Variants in LDB2 observed in about 807,000 individuals in gnomAD.
LDB2 encodes the protein LIM domain binding 2.
A neutral mutation model predicts 44.3 loss-of-function variants in LDB2; 12 were observed. The ratio of observed to expected loss-of-function variants is 0.27; its 90% CI spans 0.17 to 0.44. The LOEUF is 0.44. Ranked by LOEUF, LDB2 falls within the 20% of genes least tolerant of loss-of-function variation. The probability of loss-of-function intolerance (pLI) is 1.00; values close to 1 mark genes in which losing one functional copy is unlikely to be tolerated. For missense variants in LDB2, 344 were observed against 473.5 expected (o/e 0.73, Z 2.54); for synonymous variants, 164 against 174.8 (o/e 0.94, Z 0.49).
chr4:16,573,470 C>T (rs1229347079), intron 5 of LDB2, among the ~76,000 whole-genome samples: 1 of 152,198 alleles, frequency 6.6e-6, no homozygotes, highest in Non-Finnish European at 1.5e-5. Flanking sequence ...ACTGGTCATG[C>T]ACTATCAGTC....
rs530343743 is a variant in LDB2 at position 16,749,338 on chromosome 4, C to G, written c.235+9820G>C. Among the ~76,000 whole-genome samples, 4 of 151,162 alleles carry G rather than the reference C, an allele frequency of 2.6e-5. No individual in the cohort carries two copies. In the South Asian group the frequency reaches 8.5e-4, roughly 32 times the overall value. On this transcript the variant is annotated intron_variant, in intron 2 of 7. Coordinates refer to ENST00000304523, the MANE Select transcript of LDB2 (RefSeq NM_001290.5). ...ACTTTGGGAGGCCGAGGTGGGTGGA[C>G]CACAAGGTCAGGAGTTCGAGACCAG...
In LDB2 at chr4:16,887,105, G is replaced by A. The variant is rs114955628; in HGVS notation, c.132+11249C>T. On this transcript the variant is annotated intron_variant, in intron 1 of 7. Transcript: ENST00000304523. ...ATTGGAAAACTGAAAAAGGAGATAT[G>A]GGCTTGGAATACAAAAGTTTTTGTA... is the stretch of plus-strand genomic sequence containing the variant. Among the ~76,000 whole-genome samples the A allele has an allele frequency of 4.2e-3, 630 of 150,482 alleles. 7 individuals are homozygous for A. Among genetic ancestry groups the A allele is most frequent in the African/African-American group, 0.015 (604 of 40,886 alleles).
At chr4:16,735,403 G>T (rs1010408686) in intron 2 of LDB2, among the ~76,000 whole-genome samples, 8 of 152,052 alleles carry the variant, frequency 5.3e-5, no homozygotes, top group African/African-American at 1.4e-4. Flanking sequence ...GAGTAAGAAA[G>T]AATAAATCTT....
At chr4:16,891,749 C>A (rs544781072) in intron 1 of LDB2, among the ~76,000 whole-genome samples, 1 of 152,182 alleles carries the variant, frequency 6.6e-6, no homozygotes, top group Non-Finnish European at 1.5e-5. Flanking sequence ...ACACATCTAG[C>A]AGAATCAAGT....
chr4:16,729,103 A>G (rs1760172436), intron 2 of LDB2, among the ~76,000 whole-genome samples: 1 of 152,224 alleles, frequency 6.6e-6, no homozygotes, highest in Admixed American at 6.5e-5. Context: ...AATTACACAG[A>G]AAAAGGCAAG....
At chr4:16,714,358 C>G (rs1756581413) in intron 2 of LDB2, among the ~76,000 whole-genome samples, 1 of 152,196 alleles carries the variant, frequency 6.6e-6, no homozygotes, top group Non-Finnish European at 1.5e-5. Flanking sequence ...ACTCCACTGG[C>G]TTCAGCTGGC....
chr4:16,506,190 T>C, intron 7 of LDB2: 3 of 483,054 alleles, frequency 6.2e-6, no homozygotes, highest in Middle Eastern at 5.3e-4. Flanking sequence ...AAAGATATGG[T>C]CACCACAAGT....
At chr4:16,728,577 T>C (rs1022882756) in intron 2 of LDB2, among the ~76,000 whole-genome samples, 2 of 152,224 alleles carry the variant, frequency 1.3e-5, no homozygotes, top group Admixed American at 1.3e-4. Flanking sequence ...GTATTTACAA[T>C]TTAAGCTTCA....
rs35508244 is a variant in LDB2 at position 16,759,189 on chromosome 4, T to C, written c.204A>G (p.Ser68=). The C allele has an allele frequency of 4.3e-3, 6,891 of 1,613,890 alleles. 271 individuals carry two copies. The African/African-American group carries it at 0.078, about 18-fold the overall frequency. ...FFEDDATLTL[S]FCLEDGPKRY... is the part of the protein sequence containing the mutation. The stretch of plus-strand genomic sequence containing the variant: ...GCTTTGGTCCATCTTCCAAACAAAA[T>C]GAAAGGGTTAATGTGGCGTCATCTT... Residue 68 remains serine (S), a synonymous_variant, in exon 2 of 8, where the codon TCA becomes TCG. Coordinates refer to ENST00000304523, the MANE Select transcript of LDB2 (RefSeq NM_001290.5).
At chr4:16,748,505 T>C (rs905802902) in intron 2 of LDB2, among the ~76,000 whole-genome samples, 1 of 152,200 alleles carries the variant, frequency 6.6e-6, no homozygotes, top group Non-Finnish European at 1.5e-5. Flanking sequence ...CTTAATGAAA[T>C]CCATCTGAAC....
At chr4:16,506,745 T>TTTG (rs35973520) in intron 7 of LDB2, 106,120 of 151,456 alleles carry the variant, frequency 0.7, 37,794 homozygotes, top group South Asian at 0.79. Flanking sequence ...ATGACAGGGC[T>TTTG]TTGTTGTTGT....
chr4:16,703,514 T>C (rs1304043391), intron 2 of LDB2, among the ~76,000 whole-genome samples: 3 of 152,198 alleles, frequency 2.0e-5, no homozygotes, highest in East Asian at 1.9e-4. Context: ...TGACAAAGGC[T>C]TTAGAATAAG....
At chr4:16,889,954 T>C (rs910489472) in intron 1 of LDB2, among the ~76,000 whole-genome samples, 3 of 152,228 alleles carry the variant, frequency 2.0e-5, no homozygotes, top group Non-Finnish European at 4.4e-5. Flanking sequence ...TTTTCCTTTA[T>C]TGTCCTTCTT....
intron 2 of LDB2, among the ~76,000 whole-genome samples, chr4:16,733,755 G>C (rs1761258051): frequency 1.3e-5 from 2 of 152,114 alleles, no homozygotes; most frequent in African/African-American, 4.8e-5. Flanking sequence ...ACCACTTTCT[G>C]ATGTGACGCC....
At position 16,798,598 on chromosome 4, in the gene LDB2, GC is replaced by G. The variant is rs145320620; in HGVS notation, c.133-39339del. 6.5e-3 allele frequency among the ~76,000 whole-genome samples: 997 copies of G among 152,222 alleles called. 22 individuals are homozygous for G. Among genetic ancestry groups the G allele is most frequent in the African/African-American group, 0.023 (963 of 41,524 alleles). Reference sequence around the variant, plus strand: ...GGCCACCTGTGCTAAAGCTGAAAATGCCCCCCACCTCCCTCTTCCCTCACAC... The same window carrying G: ...GGCCACCTGTGCTAAAGCTGAAAATGCCCCCACCTCCCTCTTCCCTCACAC... On this transcript the variant is annotated intron_variant, in intron 1 of 7. Transcript: ENST00000304523.
intron 2 of LDB2, among the ~76,000 whole-genome samples, chr4:16,662,938 T>C (rs192193657): frequency 6.6e-6 from 1 of 152,118 alleles, no homozygotes; most frequent in Non-Finnish European, 1.5e-5. Flanking sequence ...ATAGAATCAT[T>C]TGGAACATTA....
At chr4:16,672,637 G>T (rs1397105992) in intron 2 of LDB2, among the ~76,000 whole-genome samples, 1 of 152,048 alleles carries the variant, frequency 6.6e-6, no homozygotes, top group Non-Finnish European at 1.5e-5. Flanking sequence ...ATATATTATG[G>T]GCAAAAAAGA....
chr4:16,628,846 T>C (rs759584368), intron 2 of LDB2, among the ~76,000 whole-genome samples: 8 of 152,172 alleles, frequency 5.3e-5, no homozygotes, highest in Admixed American at 2.0e-4. Flanking sequence ...CTCCCTTTCC[T>C]ATCCAAGGGA....
chr4:16,809,953 T>C (rs1248201524), intron 1 of LDB2, among the ~76,000 whole-genome samples: 2 of 152,218 alleles, frequency 1.3e-5, no homozygotes, highest in Non-Finnish European at 2.9e-5. Context: ...TCTTTTCATG[T>C]GGTCAATGCA....
Sources: gnomAD v4.1 joint callset for allele counts (sites outside exome capture counted in the v4.1 genomes callset) on GRCh38, gnomAD v4.1.1 for gene constraint, MANE v1.5 for transcripts, NCBI Gene and HGNC (gene_info 2026-07-23, HGNC 2026-07-21) for gene names.